TMEM235: variants seen among roughly 807,000 people sequenced by gnomAD.
TMEM235 encodes transmembrane protein 235.
TMEM235 carries 23 observed loss-of-function variants against 22.9 expected under a neutral mutation model. That is an observed-to-expected ratio of 1.00 (90% CI 0.72 to 1.42). TMEM235 has a LOEUF of 1.42. TMEM235 is among the 40% of genes most tolerant of loss of function. The pLI is 0.00. For missense variants in TMEM235, 308 were observed against 299.5 expected (o/e 1.03, Z -0.21); for synonymous variants, 137 against 140.5 (o/e 0.98, Z 0.17).
Position 78,238,784 on chromosome 17 carries a change from G to A in TMEM235, c.410-240G>A, listed in dbSNP as rs118132644. ...TTGGAGCCTCTTAAAGCTCCACTCC[G>A]CCAAATGCAGTTGACTACCTTTAGC... On this transcript the variant is annotated intron_variant, in intron 4 of 5. Transcript: ENST00000421688. This position sits in a 1 kb window ranked among gnomAD's most constrained non-coding sequence, Gnocchi z 4.3. 2.2e-4 allele frequency among the ~76,000 whole-genome samples: 33 copies of A among 152,040 alleles called. 1 individual carries two copies. The East Asian group carries it at 5.2e-3, about 24-fold the overall frequency.
In TMEM235 at chr17:78,232,220, G is replaced by A. The variant is rs976428542; in HGVS notation, c.190+7G>A. 3.4e-6 allele frequency: 5 copies of A among 1,450,642 alleles called. No homozygotes were observed. The highest frequency in any genetic ancestry group is 1.5e-5 in the African/African-American group (1 of 67,902). The allele number at this position is 1,450,642 out of a possible 1,614,324, so 89.9% of individuals were successfully genotyped here. ...CTCTGGCGCATCTGCGAAGGTAACCGGCCACCGCGCCGGCCCTCCTCCCTC... is the reference window on the plus strand; with the variant it reads ...CTCTGGCGCATCTGCGAAGGTAACCAGCCACCGCGCCGGCCCTCCTCCCTC... On this transcript the variant is annotated splice_region_variant and intron_variant, in intron 2 of 5. Transcript: ENST00000421688.
Position 78,231,709 on chromosome 17 carries a change from G to A in TMEM235, c.-315G>A, listed in dbSNP as rs190468765. 86 of 1,270,318 alleles carry A rather than the reference G, an allele frequency of 6.8e-5. No homozygotes were observed. In the Middle Eastern group the frequency reaches 1.1e-3, roughly 16 times the overall value. The allele number at this position is 1,270,318 out of a possible 1,614,324, so 78.7% of individuals were successfully genotyped here. On this transcript the variant is annotated 5_prime_UTR_variant, in exon 2 of 6. It adds an upstream start codon to the 5' untranslated region. Coordinates refer to ENST00000421688, the Ensembl canonical transcript of TMEM235. Reference sequence around the variant, plus strand: ...CGGGGGTTCAGGGAAATTAAGGAACGTGCCCAGGGACCCGGGGCCAGCCCG... The same window carrying A: ...CGGGGGTTCAGGGAAATTAAGGAACATGCCCAGGGACCCGGGGCCAGCCCG...
intron 4 of TMEM235, among the ~76,000 whole-genome samples, chr17:78,236,130 G>C (rs2076639986): frequency 6.6e-6 from 1 of 152,236 alleles, no homozygotes; most frequent in South Asian, 2.1e-4. Context: ...TTGTGGGTCA[G>C]AGCCTGGGAC....
intron 1 of TMEM235, chr17:78,231,401 G>A (rs2076576873): frequency 7.0e-6 from 9 of 1,277,468 alleles, no homozygotes; most frequent in Non-Finnish European, 9.2e-6. Flanking sequence ...AATTATGAGT[G>A]AATCCAAAAC....
At chr17:78,234,039 C>T in intron 3 of TMEM235, 64 bp downstream of exon 2, 4 of 1,312,728 alleles carry the variant, frequency 3.0e-6, no homozygotes, top group Non-Finnish European at 4.1e-6. Flanking sequence ...AGATCCCAGC[C>T]ATCCCCATCC....
exon 4 of TMEM235, chr17:78,234,670 A>G: frequency 6.5e-6 from 10 of 1,536,136 alleles, no homozygotes; most frequent in Non-Finnish European, 8.7e-6. Flanking sequence ...CGGCCTGCTC[A>G]GCTCCCTGGC....
Position 78,238,244 on chromosome 17 carries a change from G to C in TMEM235, c.410-780G>C, listed in dbSNP as rs2145926041. ...CTCGTTGCTGGACCCTGAACTGCCG[G>C]ATGAAGCCTGGTGCCCGCCACCCTG... is the stretch of plus-strand genomic sequence containing the variant. On this transcript the variant is annotated intron_variant, in intron 4 of 5. Coordinates refer to ENST00000421688, the Ensembl canonical transcript of TMEM235. The surrounding 1 kb of genome is among the most constrained non-coding windows in gnomAD (Gnocchi z 4.3). 6.6e-6 allele frequency among the ~76,000 whole-genome samples: 1 copy of C among 152,336 alleles called. No homozygotes were observed. Among genetic ancestry groups the C allele is most frequent in the East Asian group, 1.9e-4 (1 of 5,176 alleles).
chr17:78,231,880 CG>C, exon 2 of TMEM235: 1 of 1,128,994 alleles, frequency 8.9e-7, no homozygotes. Context: ...GGCCAGTGCG[CG>C]GGCAGGAGCG....
At chr17:78,239,671 G>T in intron 5 of TMEM235, 109 bp from the exon 5 acceptor site, 1 of 1,460,616 alleles carries the variant, frequency 6.8e-7, no homozygotes, top group South Asian at 1.4e-5. Context: ...CATTCCTAAG[G>T]ACCTGGGAGA....
rs768391017 is a variant in TMEM235 at position 78,233,977 on chromosome 17, T to A, written c.271+2T>A. ...CCACCTCGGTGCAGCACCTCATCTG[T>A]GAGTCCTGGGTGGGGCCACCTCCCC... On this transcript the variant is annotated splice_donor_variant, in intron 3 of 5. Coordinates refer to ENST00000421688, the Ensembl canonical transcript of TMEM235. LOFTEE classifies it high-confidence loss of function. The A allele has an allele frequency of 1.2e-5, 18 of 1,523,556 alleles. No individual in the cohort carries two copies. The South Asian group carries it at 1.9e-4, about 16-fold the overall frequency. 94.4% of individuals were successfully genotyped at this position (1,523,556 alleles called of 1,614,324 possible).
At position 78,234,297 on chromosome 17, in the gene TMEM235, G is replaced by C. The variant is rs764424163; in HGVS notation, c.272-296G>C. On this transcript the variant is annotated intron_variant, in intron 3 of 5. Coordinates refer to ENST00000421688, the Ensembl canonical transcript of TMEM235. Reference sequence around the variant, plus strand: ...ACTCCTGGCTCCCCATTTAGGACTCGATTCTTCCAGATGGCCTGCTGTCTA... The same window carrying C: ...ACTCCTGGCTCCCCATTTAGGACTCCATTCTTCCAGATGGCCTGCTGTCTA... 10 of 689,218 alleles carry C rather than the reference G, an allele frequency of 1.5e-5. No homozygotes were observed. The South Asian group carries it at 1.5e-4, about 10-fold the overall frequency. 42.7% of individuals were successfully genotyped at this position (689,218 alleles called of 1,614,324 possible).
At chr17:78,236,278 G>A (rs1011693984) in intron 4 of TMEM235, among the ~76,000 whole-genome samples, 2 of 151,856 alleles carry the variant, frequency 1.3e-5, no homozygotes, top group Non-Finnish European at 2.9e-5. Flanking sequence ...TCTCCTTCCT[G>A]TACTGTCCTG....
In TMEM235 at chr17:78,234,653, G is replaced by A; in HGVS notation, c.332G>A (p.Trp111Ter). 1 of 1,536,186 alleles carries A rather than the reference G, an allele frequency of 6.5e-7. No homozygotes were observed. The highest frequency in any genetic ancestry group is 8.7e-7 in the Non-Finnish European group (1 of 1,146,912). ...AGCCTGGTCCTTCTCGTGTGTGGCTGGATCTGCGGCCTGCTCAGCTCCCTG... is the reference window on the plus strand; with the variant it reads ...AGCCTGGTCCTTCTCGTGTGTGGCTAGATCTGCGGCCTGCTCAGCTCCCTG... The change falls in exon 4 of 6, where the codon TGG becomes TAG. Residue 111 changes from tryptophan to a stop codon, truncating the protein, a stop_gained. Transcript: ENST00000421688. LOFTEE classifies it high-confidence loss of function.
rs1242740452 is a variant in TMEM235, at chr17:78,239,015, C to G, written c.410-9C>G. 6.5e-7 allele frequency: 1 copy of G among 1,535,460 alleles called. No homozygotes were observed. The highest frequency in any genetic ancestry group is 8.8e-7 in the Non-Finnish European group (1 of 1,142,036). On this transcript the variant is annotated splice_polypyrimidine_tract_variant and intron_variant, in intron 4 of 5. Coordinates refer to ENST00000421688, the Ensembl canonical transcript of TMEM235. ...CACCGAGCAGCTGCCCTCCCCATCT[C>G]TCCCCCAGGTGTCCTGACACTGGCG...
Position 78,238,661 on chromosome 17 carries a change from T to TG in TMEM235, c.410-357dup, listed in dbSNP as rs1243744057. ...GGGGCCATGGAGGGTACAGAGTGTG[T>TG]GGGGGGCAGTTATGTGAGTGGGAAC... is the stretch of plus-strand genomic sequence containing the variant. On this transcript the variant is annotated intron_variant, in intron 4 of 5. Coordinates refer to ENST00000421688, the Ensembl canonical transcript of TMEM235. The surrounding 1 kb of genome is among the most constrained non-coding windows in gnomAD (Gnocchi z 4.3). Among the ~76,000 whole-genome samples, 3 of 144,858 alleles carry TG rather than the reference T, an allele frequency of 2.1e-5. No individual in the cohort carries two copies. Among genetic ancestry groups the TG allele is most frequent in the Admixed American group, 1.4e-4 (2 of 14,460 alleles).
chr17:78,232,907 G>A (rs2076599654), intron 2 of TMEM235, among the ~76,000 whole-genome samples: 1 of 152,190 alleles, frequency 6.6e-6, no homozygotes, highest in Non-Finnish European at 1.5e-5. Flanking sequence ...ATATGAATAT[G>A]TGAGTGTGAG....
exon 2 of TMEM235, chr17:78,231,862 G>T: frequency 8.7e-7 from 1 of 1,146,638 alleles, no homozygotes. Context: ...ACCCCAGGGG[G>T]CCCGCGAGGC....
exon 2 of TMEM235, chr17:78,231,956 TCCGCGCGCCCC>T: frequency 9.6e-7 from 1 of 1,044,284 alleles, no homozygotes; most frequent in African/African-American, 1.8e-5. Flanking sequence ...GGCTCCCGGC[TCCGCGCGCCCC>T]CCGCCGCCCC....
chr17:78,238,997 C>T lies in TMEM235; in HGVS notation c.410-27C>T. The T allele has an allele frequency of 6.6e-7, 1 of 1,525,958 alleles. No individual in the cohort carries two copies. The highest frequency in any genetic ancestry group is 8.8e-7 in the Non-Finnish European group (1 of 1,136,770). 94.5% of individuals were successfully genotyped at this position (1,525,958 alleles called of 1,614,324 possible). A position where few individuals can be genotyped will look rare whatever the true frequency, so the allele number is the denominator to read the frequency against. ...TGGGCCCGCTAGAGCAGACACCGAG[C>T]AGCTGCCCTCCCCATCTCTCCCCCA... On this transcript the variant is annotated intron_variant, in intron 4 of 5. Transcript: ENST00000421688. The surrounding 1 kb of genome is among the most constrained non-coding windows in gnomAD (Gnocchi z 4.3).
Sources: gnomAD v4.1 joint callset for allele counts (sites outside exome capture counted in the v4.1 genomes callset) on GRCh38, gnomAD v4.1.1 for gene constraint, Gnocchi (gnomAD v3.1) non-coding constraint, MANE v1.5 for transcripts, NCBI Gene and HGNC (gene_info 2026-07-23, HGNC 2026-07-21) for gene names.